NALF1: variants seen among roughly 807,000 people sequenced by gnomAD.
NALF1 encodes family with sequence similarity 155 member A.
Under a neutral mutation model 48.4 loss-of-function variants are expected in NALF1, and 3 were observed. The observed-to-expected ratio is 0.06, with a 90% CI of 0.03 to 0.16. NALF1 has a LOEUF of 0.16. Among genes scored for constraint, NALF1 ranks in the 10% least tolerant of loss-of-function variants. NALF1 has a pLI of 1.00. For synonymous variants in NALF1, 262 were observed against 245.7 expected (o/e 1.07, Z -0.62); for missense variants, 526 against 571.5 (o/e 0.92, Z 0.81).
intron 1 of NALF1, among the ~76,000 whole-genome samples, chr13:107,595,806 G>A (rs1311150403): frequency 6.6e-6 from 1 of 152,112 alleles, no homozygotes; most frequent in Admixed American, 6.6e-5. Context: ...TATTTTAACA[G>A]AAAGAGTTCA....
At chr13:107,672,816 G>A (rs1392352427) in intron 1 of NALF1, among the ~76,000 whole-genome samples, 1 of 152,106 alleles carries the variant, frequency 6.6e-6, no homozygotes, top group African/African-American at 2.4e-5. Flanking sequence ...AAGGTCACTA[G>A]TGACCTGCGA....
intron 1 of NALF1, among the ~76,000 whole-genome samples, chr13:107,671,261 A>G (rs903372195): frequency 3.3e-5 from 5 of 152,170 alleles, no homozygotes; most frequent in Non-Finnish European, 5.9e-5. Context: ...CAGTAAATAA[A>G]TGGGCAGAAA....
intron 1 of NALF1, among the ~76,000 whole-genome samples, chr13:107,472,034 T>C (rs7334961): frequency 0.07 from 10,636 of 152,254 alleles, 445 homozygotes; most frequent in African/African-American, 0.1. Context: ...AAAGTAATCA[T>C]AAATACTTCA....
intron 1 of NALF1, among the ~76,000 whole-genome samples, chr13:107,279,060 T>G (rs1266671414): frequency 2.0e-5 from 3 of 149,974 alleles, no homozygotes; most frequent in South Asian, 2.1e-4. Flanking sequence ...TTTTTTTTTT[T>G]TGCACAAATT....
intron 1 of NALF1, among the ~76,000 whole-genome samples, chr13:107,329,658 C>G (rs966738420): frequency 6.8e-6 from 1 of 146,512 alleles, no homozygotes; most frequent in East Asian, 2.0e-4. Context: ...CCCCTCCCCC[C>G]ACGCCACAAC....
chr13:107,358,339 A>G (rs1035752706), intron 1 of NALF1, among the ~76,000 whole-genome samples: 5 of 152,188 alleles, frequency 3.3e-5, no homozygotes, highest in African/African-American at 1.2e-4. Flanking sequence ...TGCCAAGAGA[A>G]GAGTAACATG....
chr13:107,699,151 T>C (rs1439741396), intron 1 of NALF1, among the ~76,000 whole-genome samples: 1 of 152,156 alleles, frequency 6.6e-6, no homozygotes, highest in Non-Finnish European at 1.5e-5. Flanking sequence ...AGAATTATGG[T>C]TAATATTTCA....
intron 1 of NALF1, among the ~76,000 whole-genome samples, chr13:107,250,691 C>T (rs751084693): frequency 6.6e-5 from 10 of 151,976 alleles, no homozygotes; most frequent in Non-Finnish European, 1.3e-4. Context: ...TAAACTCTCT[C>T]TAACTATACC....
chr13:107,721,245 G>C (rs1347640324), intron 1 of NALF1, among the ~76,000 whole-genome samples: 1 of 151,952 alleles, frequency 6.6e-6, no homozygotes, highest in African/African-American at 2.4e-5. Context: ...ATGAAATGAA[G>C]TTAATACATG....
intron 1 of NALF1, among the ~76,000 whole-genome samples, chr13:107,679,707 A>G (rs1881227968): frequency 6.6e-6 from 1 of 152,108 alleles, no homozygotes; most frequent in African/African-American, 2.4e-5. Context: ...CACCATGGGC[A>G]ACCTGGCCTT....
At chr13:107,205,426 GTTA>G (rs145769161) in intron 2 of NALF1, among the ~76,000 whole-genome samples, 3 of 151,934 alleles carry the variant, frequency 2.0e-5, no homozygotes, top group African/African-American at 4.8e-5. Flanking sequence ...CTCCCCTCAG[GTTA>G]TTCCCTTCCG....
At chr13:107,719,018 A>C (rs777122167) in intron 1 of NALF1, among the ~76,000 whole-genome samples, 1 of 152,198 alleles carries the variant, frequency 6.6e-6, no homozygotes, top group Admixed American at 6.5e-5. Flanking sequence ...ATCTAAATAG[A>C]AGCATAGTTT....
At chr13:107,528,933 A>G (rs1876535828) in intron 1 of NALF1, among the ~76,000 whole-genome samples, 1 of 152,184 alleles carries the variant, frequency 6.6e-6, no homozygotes, top group African/African-American at 2.4e-5. Context: ...AATTCTTTCT[A>G]TCATGAACTG....
At chr13:107,801,411 T>A (rs994815982) in intron 1 of NALF1, among the ~76,000 whole-genome samples, 1 of 152,200 alleles carries the variant, frequency 6.6e-6, no homozygotes, top group African/African-American at 2.4e-5. Context: ...TTTGAATAGT[T>A]GAGCAATTAC....
intron 1 of NALF1, among the ~76,000 whole-genome samples, chr13:107,546,169 A>G (rs2139124288): frequency 6.6e-6 from 1 of 152,272 alleles, no homozygotes; most frequent in Non-Finnish European, 1.5e-5. Context: ...CCCTGGGGCC[A>G]GTGTGCCAAC....
At chr13:107,625,818 A>G (rs147901057) in intron 1 of NALF1, among the ~76,000 whole-genome samples, 182 of 152,216 alleles carry the variant, frequency 1.2e-3, no homozygotes, top group African/African-American at 4.3e-3. Flanking sequence ...ACCTGACACT[A>G]AATAACTGTT....
At chr13:107,392,222 GC>G (rs1399926933) in intron 1 of NALF1, among the ~76,000 whole-genome samples, 1 of 151,996 alleles carries the variant, frequency 6.6e-6, no homozygotes, top group African/African-American at 2.4e-5. Context: ...TTCATGGGGT[GC>G]TTTTGTGCAA....
intron 1 of NALF1, among the ~76,000 whole-genome samples, chr13:107,753,479 C>T (rs574247319): frequency 6.7e-6 from 1 of 149,286 alleles, no homozygotes; most frequent in East Asian, 2.0e-4. Context: ...TTGGTCATAA[C>T]AAAACCAAGG....
chr13:107,446,613 T>G (rs1207418751), intron 1 of NALF1, among the ~76,000 whole-genome samples: 3 of 152,220 alleles, frequency 2.0e-5, no homozygotes. Flanking sequence ...GTTAATTTTC[T>G]GAAAATTGTA....
Sources: allele counts gnomAD v4.1 joint callset (sites outside exome capture counted in the v4.1 genomes callset), GRCh38; gene constraint gnomAD v4.1.1; transcripts MANE v1.5; gene names NCBI Gene and HGNC (gene_info 2026-07-23, HGNC 2026-07-21).